The following TAF4B variants were observed in gnomAD, a reference collection of about 807,000 sequenced individuals.
TAF4B encodes transcription initiation factor TFIID subunit 4B.
TAF4B carries 38 observed loss-of-function variants against 86.4 expected under a neutral mutation model. The ratio of observed to expected loss-of-function variants is 0.44; its 90% CI spans 0.34 to 0.58. The LOEUF (loss-of-function observed/expected upper bound fraction) is 0.58, where lower values mean the gene tolerates loss of function less well. Among genes scored for constraint, TAF4B ranks in the 20% least tolerant of loss-of-function variants. The pLI, the probability that TAF4B is intolerant of heterozygous loss-of-function variation, is 0.02. For missense variants in TAF4B, 988 were observed against 1,027.6 expected (o/e 0.96, Z 0.53); for synonymous variants, 388 against 391.2 (o/e 0.99, Z 0.10).
chr18:26,339,426 A>G (rs935680649), intron 13 of TAF4B, among the ~76,000 whole-genome samples: 18 of 152,264 alleles, frequency 1.2e-4, no homozygotes, highest in African/African-American at 4.1e-4. Flanking sequence ...CCTGGGCTCA[A>G]GCGCTCCTCC....
intron 5 of TAF4B, among the ~76,000 whole-genome samples, chr18:26,278,024 G>C (rs1266750890): frequency 6.6e-6 from 1 of 152,140 alleles, no homozygotes; most frequent in Non-Finnish European, 1.5e-5. Context: ...GGTTTAGTTT[G>C]TTGTTGAGAA....
intron 1 of TAF4B, among the ~76,000 whole-genome samples, chr18:26,242,328 A>C (rs2055852380): frequency 6.6e-6 from 1 of 152,056 alleles, no homozygotes; most frequent in South Asian, 2.1e-4. Flanking sequence ...TGATACCTTT[A>C]CCATTATGTA....
intron 1 of TAF4B, among the ~76,000 whole-genome samples, chr18:26,251,058 T>C (rs1196397370): frequency 1.3e-5 from 2 of 152,228 alleles, no homozygotes; most frequent in Non-Finnish European, 2.9e-5. Context: ...TGGCCTCTAG[T>C]GCCTGAGGAA....
chr18:26,285,226 T>TTTTTGTTTTTTTTTG (rs2056503765), intron 6 of TAF4B, among the ~76,000 whole-genome samples: 1 of 126,078 alleles, frequency 7.9e-6, no homozygotes, highest in Non-Finnish European at 1.8e-5. Context: ...TTTTTTGTTT[T>TTTTTGTTTTTTTTTG]TTTTTTTTTT....
rs368199103 is a variant in TAF4B, at chr18:26,281,982, C to T, written c.894C>T (p.Ile298=). The T allele has an allele frequency of 1.6e-5, 26 of 1,612,098 alleles. No homozygotes were observed. The highest frequency in any genetic ancestry group is 1.1e-4 in the African/African-American group (8 of 74,836). ...KLVEQLLDAK[I]EAEEFTRKLY... ...CTCCCATCCCTCAGGATGCAAAAATCGAAGCAGAAGAATTTACTAGGAAAC... is the reference window on the plus strand; with the variant it reads ...CTCCCATCCCTCAGGATGCAAAAATTGAAGCAGAAGAATTTACTAGGAAAC... Residue 298 remains isoleucine, a synonymous_variant, in exon 6 of 15, where the codon ATC becomes ATT. Transcript: ENST00000269142.
intron 14 of TAF4B, among the ~76,000 whole-genome samples, chr18:26,389,588 C>T (rs1396477018): frequency 6.6e-6 from 1 of 152,164 alleles, no homozygotes; most frequent in Non-Finnish European, 1.5e-5. Flanking sequence ...AAAGTAGAGC[C>T]TGGAAATGGA....
chr18:26,390,222 T>C lies in TAF4B; in HGVS notation c.*210T>C, dbSNP rs897797531. On this transcript the variant is annotated 3_prime_UTR_variant, in exon 15 of 15. Coordinates refer to ENST00000269142, the MANE Select transcript of TAF4B (RefSeq NM_005640.3). Reference sequence around the variant, plus strand: ...ATCTTTGTCTTCTGAAAATCAGTTATGAAATACACTTTGCACAGAATTAGG... The same window carrying C: ...ATCTTTGTCTTCTGAAAATCAGTTACGAAATACACTTTGCACAGAATTAGG... 4.0e-6 allele frequency: 2 copies of C among 499,352 alleles called. No homozygotes were observed. Among genetic ancestry groups the C allele is most frequent in the African/African-American group, 3.9e-5 (2 of 50,848 alleles). 30.9% of individuals were successfully genotyped at this position (499,352 alleles called of 1,614,324 possible). A position where few individuals can be genotyped will look rare whatever the true frequency, so the allele number is the denominator to read the frequency against.
rs1555623653 is a variant in TAF4B, at chr18:26,346,797, A to ATATATATATATATG, written c.2317-10892_2317-10891insATATATATATATGT. The stretch of plus-strand genomic sequence containing the variant: ...TATGTGTGTGTATATATATATATAT[A>ATATATATATATATG]TGTGTATATATATATATATGTGTGT... On this transcript the variant is annotated intron_variant, in intron 13 of 14. Transcript: ENST00000269142. Among the ~76,000 whole-genome samples the ATATATATATATATG allele has an allele frequency of 4.6e-3, 98 of 21,368 alleles. 13 individuals carry two copies. The highest frequency in any genetic ancestry group is 1.0e-2 in the African/African-American group (94 of 9,438). 14.0% of individuals were successfully genotyped at this position (21,368 alleles called of 152,430 possible).
intron 11 of TAF4B, among the ~76,000 whole-genome samples, chr18:26,326,201 A>G (rs547726740): frequency 4.6e-5 from 7 of 152,324 alleles, no homozygotes; most frequent in Admixed American, 1.3e-4. Context: ...ACTCCTGCCT[A>G]TACACACTCA....
intron 6 of TAF4B, among the ~76,000 whole-genome samples, chr18:26,285,210 C>CTTTCCTTTT (rs2056496143): frequency 2.4e-5 from 1 of 42,550 alleles, no homozygotes; most frequent in Admixed American, 3.2e-4. Context: ...TCTTCCTTTC[C>CTTTCCTTTT]TTTTTTTTTT....
intron 14 of TAF4B, among the ~76,000 whole-genome samples, chr18:26,376,516 T>G (rs1598840004): frequency 1.6e-5 from 2 of 121,268 alleles, no homozygotes; most frequent in Middle Eastern, 4.7e-3. Flanking sequence ...GTTTTGTACA[T>G]TGATTTTTTT....
intron 13 of TAF4B, among the ~76,000 whole-genome samples, chr18:26,337,231 CAG>C (rs1226902276): frequency 3.3e-5 from 5 of 152,070 alleles, no homozygotes; most frequent in African/African-American, 4.8e-5. Flanking sequence ...TTTCCAAGAA[CAG>C]AGCCACTCTG....
intron 1 of TAF4B, among the ~76,000 whole-genome samples, chr18:26,243,053 T>G (rs2055865118): frequency 6.6e-6 from 1 of 152,188 alleles, no homozygotes; most frequent in African/African-American, 2.4e-5. Context: ...AATCTGACAA[T>G]TATGTGTCTT....
chr18:26,362,884 T>C (rs978370175), intron 14 of TAF4B, among the ~76,000 whole-genome samples: 1 of 152,088 alleles, frequency 6.6e-6, no homozygotes, highest in Admixed American at 6.6e-5. Context: ...CATCACATAA[T>C]AAAAAATAAC....
At chr18:26,278,606 G>T (rs1359376074) in intron 5 of TAF4B, among the ~76,000 whole-genome samples, 1 of 131,800 alleles carries the variant, frequency 7.6e-6, no homozygotes, top group African/African-American at 2.8e-5. Context: ...ACTGTGCTTG[G>T]CCTTCTGTTG....
chr18:26,365,435 G>A (rs1019139192), intron 14 of TAF4B, among the ~76,000 whole-genome samples: 2 of 152,160 alleles, frequency 1.3e-5, no homozygotes, highest in East Asian at 1.9e-4. Flanking sequence ...AGAAGCTTCC[G>A]GCTTGTAGCC....
chr18:26,227,962 A>G (rs1244849764), intron 1 of TAF4B, among the ~76,000 whole-genome samples: 1 of 152,258 alleles, frequency 6.6e-6, no homozygotes, highest in Non-Finnish European at 1.5e-5. Flanking sequence ...ACTTTCAATT[A>G]GCAGAACCCC....
At chr18:26,278,007 TGTTAGTG>T (rs1182707186) in intron 5 of TAF4B, among the ~76,000 whole-genome samples, 10 of 152,250 alleles carry the variant, frequency 6.6e-5, no homozygotes, top group Admixed American at 2.0e-4. Flanking sequence ...TTTTCTTTAC[TGTTAGTG>T]GTTTAGTTTG....
intron 10 of TAF4B, among the ~76,000 whole-genome samples, chr18:26,317,738 G>A (rs2056925979): frequency 2.0e-5 from 3 of 152,170 alleles, no homozygotes; most frequent in African/African-American, 7.2e-5. Flanking sequence ...TTCTTGCTGT[G>A]TTTTCATGTG....
Sources: allele counts gnomAD v4.1 joint callset (sites outside exome capture counted in the v4.1 genomes callset), GRCh38; gene constraint gnomAD v4.1.1; transcripts MANE v1.5; gene names NCBI Gene and HGNC (gene_info 2026-07-23, HGNC 2026-07-21).